HSD17B12: variants seen among roughly 807,000 people sequenced by gnomAD.
HSD17B12 encodes the protein hydroxysteroid 17-beta dehydrogenase 12.
A neutral mutation model predicts 39.3 loss-of-function variants in HSD17B12; 32 were observed. The ratio of observed to expected loss-of-function variants is 0.81; its 90% CI spans 0.61 to 1.09. The LOEUF is 1.09. HSD17B12 is among the 50% of genes least tolerant of loss of function. The pLI is 0.00. For missense variants in HSD17B12, 342 were observed against 382.9 expected (o/e 0.89, Z 0.89); for synonymous variants, 150 against 146.7 (o/e 1.02, Z -0.16).
intron 1 of HSD17B12, among the ~76,000 whole-genome samples, chr11:43,711,753 G>T (rs1403842109): frequency 6.6e-6 from 1 of 152,072 alleles, no homozygotes; most frequent in Non-Finnish European, 1.5e-5. Context: ...AGGATTACAG[G>T]CATGAGCCAC....
intron 1 of HSD17B12, chr11:43,733,952 T>A: frequency 2.8e-6 from 2 of 702,230 alleles, no homozygotes; most frequent in Non-Finnish European, 5.3e-6. Flanking sequence ...CAGAAACCAA[T>A]TATCTTTGCT....
chr11:43,650,991 G>T, the HSD17B12 span, among the ~76,000 whole-genome samples: 1 of 152,104 alleles, frequency 6.6e-6, no homozygotes, highest in Non-Finnish European at 1.5e-5. Context: ...TTTCAGACAC[G>T]CACTGAGGGT....
At chr11:43,842,362 G>A (rs1333792699) in intron 9 of HSD17B12, among the ~76,000 whole-genome samples, 1 of 152,178 alleles carries the variant, frequency 6.6e-6, no homozygotes, top group African/African-American at 2.4e-5. Context: ...GATCATCTAA[G>A]AGCCTGCTTC....
intron 2 of HSD17B12, among the ~76,000 whole-genome samples, chr11:43,751,247 A>G (rs1003304738): frequency 6.6e-6 from 1 of 152,224 alleles, no homozygotes; most frequent in Non-Finnish European, 1.5e-5. Context: ...AAGTGTGTAC[A>G]GTCTTCAGAT....
chr11:43,818,425 T>C (rs943153262), intron 6 of HSD17B12, among the ~76,000 whole-genome samples: 5 of 152,212 alleles, frequency 3.3e-5, no homozygotes, highest in Admixed American at 2.6e-4. Flanking sequence ...ACACCATTTT[T>C]TCTTATATTG....
chr11:43,727,400 A>G (rs1283330360), intron 1 of HSD17B12, among the ~76,000 whole-genome samples: 1 of 152,204 alleles, frequency 6.6e-6, no homozygotes, highest in Non-Finnish European at 1.5e-5. Flanking sequence ...AGAAGGTTTC[A>G]GGGGAGTCCC....
the HSD17B12 span, among the ~76,000 whole-genome samples, chr11:43,584,353 GA>G: frequency 6.6e-5 from 10 of 152,176 alleles, 1 homozygote; most frequent in African/African-American, 2.4e-4. Context: ...TCTCAAACTA[GA>G]AGGCTTTGTG....
chr11:43,566,388 A>G, the HSD17B12 span, among the ~76,000 whole-genome samples: 1 of 152,244 alleles, frequency 6.6e-6, no homozygotes, highest in East Asian at 1.9e-4. Flanking sequence ...AGGTGAACAC[A>G]GAGCCTCTTG....
At chr11:43,663,003 T>A in the HSD17B12 span, among the ~76,000 whole-genome samples, 1 of 152,236 alleles carries the variant, frequency 6.6e-6, no homozygotes, top group African/African-American at 2.4e-5. Context: ...AGCAAGGAAG[T>A]ATCTAAACAG....
the HSD17B12 span, among the ~76,000 whole-genome samples, chr11:43,558,903 G>A: frequency 6.6e-6 from 1 of 152,068 alleles, no homozygotes. Flanking sequence ...TAACCAAAAG[G>A]CAAGGAGTAC....
chr11:43,586,205 C>T, the HSD17B12 span, among the ~76,000 whole-genome samples: 1 of 152,120 alleles, frequency 6.6e-6, no homozygotes, highest in Admixed American at 6.5e-5. Flanking sequence ...GACTGACACC[C>T]CAGGGTTCAA....
chr11:43,783,525 T>C (rs970158181), intron 3 of HSD17B12, among the ~76,000 whole-genome samples: 1 of 151,820 alleles, frequency 6.6e-6, no homozygotes, highest in Non-Finnish European at 1.5e-5. Flanking sequence ...CAACTCGTAA[T>C]CTACATTAGG....
the HSD17B12 span, chr11:43,584,810 T>A: frequency 2.0e-5 from 3 of 152,344 alleles, no homozygotes; most frequent in Non-Finnish European, 2.9e-5. Flanking sequence ...AAAGGCTTAG[T>A]CCTTGACAAA....
chr11:43,586,876 C>T, the HSD17B12 span, among the ~76,000 whole-genome samples: 1 of 152,216 alleles, frequency 6.6e-6, no homozygotes, highest in Non-Finnish European at 1.5e-5. Context: ...TCTCCCTGCT[C>T]TTTGCTCCCC....
chr11:43,812,937 G>A (rs1016421812), intron 4 of HSD17B12, among the ~76,000 whole-genome samples: 8 of 152,224 alleles, frequency 5.3e-5, no homozygotes, highest in Non-Finnish European at 1.5e-5. Flanking sequence ...CGCCTCCTGG[G>A]TTCAAGCAAT....
chr11:43,745,898 T>C (rs1386128696), intron 1 of HSD17B12, among the ~76,000 whole-genome samples: 2 of 152,192 alleles, frequency 1.3e-5, no homozygotes, highest in East Asian at 1.9e-4. Context: ...TGCCTGTAGC[T>C]ACACGGGGGG....
chr11:43,816,512 AT>A, intron 6 of HSD17B12, 121 bp downstream of exon 6: 1 of 732,068 alleles, frequency 1.4e-6, no homozygotes, highest in Non-Finnish European at 1.9e-6. Context: ...TGTATTCCAG[AT>A]ACAAGTGGTC....
At chr11:43,684,862 C>A (rs1297113652) in intron 1 of HSD17B12, among the ~76,000 whole-genome samples, 1 of 152,164 alleles carries the variant, frequency 6.6e-6, no homozygotes, top group African/African-American at 2.4e-5. Context: ...ACTCCCTGAC[C>A]CCCACCCGCT....
chr11:43,595,233 A>C, the HSD17B12 span, among the ~76,000 whole-genome samples: 1 of 152,184 alleles, frequency 6.6e-6, no homozygotes, highest in Non-Finnish European at 1.5e-5. Flanking sequence ...TTGGATTTTC[A>C]TGGAGCTGTC....
Sources: allele counts gnomAD v4.1 joint callset (sites outside exome capture counted in the v4.1 genomes callset), GRCh38; gene constraint gnomAD v4.1.1; transcripts MANE v1.5; gene names NCBI Gene and HGNC (gene_info 2026-07-23, HGNC 2026-07-21).